Variants in ADGRL3 observed in about 807,000 individuals in gnomAD.
The protein encoded by ADGRL3 is adhesion G protein-coupled receptor L3.
A neutral mutation model predicts 153.5 loss-of-function variants in ADGRL3; 62 were observed. The observed-to-expected ratio is 0.40, with a 90% CI of 0.33 to 0.50. The LOEUF (loss-of-function observed/expected upper bound fraction) is 0.50. Among genes scored for constraint, ADGRL3 ranks in the 20% least tolerant of loss-of-function variants. The pLI, the probability that ADGRL3 is intolerant of heterozygous loss-of-function variation, is 0.47. For synonymous variants in ADGRL3, 710 were observed against 672.5 expected (o/e 1.06, Z -0.86); for missense variants, 1,641 against 1,859.4 (o/e 0.88, Z 2.16).
chr4:62,033,957 C>T (rs1395346261), intron 23 of ADGRL3, among the ~76,000 whole-genome samples: 2 of 151,456 alleles, frequency 1.3e-5, no homozygotes, highest in Non-Finnish European at 3.0e-5. Context: ...TTTCAGTTTT[C>T]CCAATATTAA....
At chr4:61,648,849 C>T (rs1431409248) in intron 5 of ADGRL3, among the ~76,000 whole-genome samples, 2 of 151,818 alleles carry the variant, frequency 1.3e-5, no homozygotes, top group African/African-American at 2.4e-5. Flanking sequence ...GAAATTGAGG[C>T]CTAATGGATG....
At chr4:61,294,154 T>C (rs1156287586) in intron 1 of ADGRL3, among the ~76,000 whole-genome samples, 2 of 152,044 alleles carry the variant, frequency 1.3e-5, no homozygotes, top group East Asian at 3.9e-4. Context: ...TAAGGCACTC[T>C]TGTTTTGTTG....
At chr4:62,059,295 C>G (rs563623719) in intron 25 of ADGRL3, among the ~76,000 whole-genome samples, 266 of 152,268 alleles carry the variant, frequency 1.7e-3, no homozygotes, top group African/African-American at 6.2e-3. Flanking sequence ...ACCCACAGAG[C>G]TGGTCTGTGT....
intron 5 of ADGRL3, among the ~76,000 whole-genome samples, chr4:61,668,852 T>C (rs2094895370): frequency 6.6e-6 from 1 of 152,214 alleles, no homozygotes; most frequent in East Asian, 1.9e-4. Flanking sequence ...ACCTCATCTC[T>C]ACAAAAAGTA....
chr4:61,510,044 TG>T (rs2098454994), intron 3 of ADGRL3, among the ~76,000 whole-genome samples: 3 of 152,248 alleles, frequency 2.0e-5, no homozygotes, highest in Admixed American at 2.0e-4. Context: ...TTTTTGTGTT[TG>T]TTGGCCGCTT....
At chr4:61,743,193 G>A (rs2096604670) in intron 8 of ADGRL3, among the ~76,000 whole-genome samples, 1 of 151,666 alleles carries the variant, frequency 6.6e-6, no homozygotes, top group Non-Finnish European at 1.5e-5. Context: ...GGTGGTGGGT[G>A]CCTGTAGTCC....
intron 11 of ADGRL3, among the ~76,000 whole-genome samples, chr4:61,906,910 C>G (rs576900137): frequency 6.6e-6 from 1 of 151,912 alleles, no homozygotes; most frequent in Non-Finnish European, 1.5e-5. Flanking sequence ...TTAGTTGTGC[C>G]CCTTTGAGCT....
chr4:61,482,245 G>T (rs1309711898), intron 2 of ADGRL3, among the ~76,000 whole-genome samples: 2 of 152,142 alleles, frequency 1.3e-5, no homozygotes, highest in East Asian at 3.9e-4. Flanking sequence ...ATCTCAAGTT[G>T]CTTCAACACT....
At chr4:61,332,384 C>A in intron 1 of ADGRL3, among the ~76,000 whole-genome samples, 1 of 152,122 alleles carries the variant, frequency 6.6e-6, no homozygotes, top group East Asian at 1.9e-4. Context: ...TTACTTCAAT[C>A]TTCAGTTCTA....
intron 8 of ADGRL3, among the ~76,000 whole-genome samples, chr4:61,739,744 C>T (rs1486347815): frequency 6.6e-6 from 1 of 152,136 alleles, no homozygotes; most frequent in East Asian, 1.9e-4. Context: ...ACCAGCTTCT[C>T]CCTTGCTTCA....
intron 1 of ADGRL3, among the ~76,000 whole-genome samples, chr4:61,228,841 G>A (rs973446287): frequency 3.9e-4 from 60 of 152,196 alleles, no homozygotes; most frequent in Admixed American, 2.0e-3. Context: ...ACAGGAACCT[G>A]CCACCATACC....
At chr4:61,921,476 T>C (rs761216064) in intron 13 of ADGRL3, among the ~76,000 whole-genome samples, 1 of 152,156 alleles carries the variant, frequency 6.6e-6, no homozygotes, top group Non-Finnish European at 1.5e-5. Context: ...TGGAGTACAG[T>C]GGCGTGATCT....
chr4:61,584,119 A>C (rs1177712856), intron 4 of ADGRL3, among the ~76,000 whole-genome samples: 1 of 152,024 alleles, frequency 6.6e-6, no homozygotes, highest in African/African-American at 2.4e-5. Context: ...CTATTAAAAC[A>C]GTTAGTAACA....
chr4:61,487,680 A>G (rs2098212081), intron 2 of ADGRL3, among the ~76,000 whole-genome samples: 1 of 152,038 alleles, frequency 6.6e-6, no homozygotes, highest in Non-Finnish European at 1.5e-5. Flanking sequence ...AATAATTGTT[A>G]ATTTTTAAAA....
chr4:61,484,099 T>C (rs1310332658), intron 2 of ADGRL3, among the ~76,000 whole-genome samples: 1 of 152,044 alleles, frequency 6.6e-6, no homozygotes, highest in Non-Finnish European at 1.5e-5. Context: ...CCCCGATTTT[T>C]TTTTTACTTA....
intron 8 of ADGRL3, among the ~76,000 whole-genome samples, chr4:61,734,171 T>G (rs1388287401): frequency 1.3e-5 from 2 of 152,348 alleles, no homozygotes; most frequent in East Asian, 3.9e-4. Context: ...TTGTAATTCT[T>G]TAAAAGTGCC....
intron 19 of ADGRL3, among the ~76,000 whole-genome samples, chr4:61,992,390 C>G (rs1216998714): frequency 6.6e-6 from 1 of 152,138 alleles, no homozygotes; most frequent in Non-Finnish European, 1.5e-5. Context: ...ACGTTCTTCT[C>G]CACCTTAAAG....
intron 8 of ADGRL3, among the ~76,000 whole-genome samples, chr4:61,754,247 A>G (rs2096792816): frequency 6.6e-6 from 1 of 152,180 alleles, no homozygotes. Context: ...TCTGTTATAA[A>G]AAGTACATAT....
chr4:61,520,851 C>A (rs955737198), intron 4 of ADGRL3, among the ~76,000 whole-genome samples: 1 of 151,832 alleles, frequency 6.6e-6, no homozygotes, highest in African/African-American at 2.4e-5. Context: ...TTCTGTTTTT[C>A]TCAATCTTTC....
Sources: gnomAD v4.1 joint callset for allele counts (sites outside exome capture counted in the v4.1 genomes callset) on GRCh38, gnomAD v4.1.1 for gene constraint, MANE v1.5 for transcripts, NCBI Gene and HGNC (gene_info 2026-07-23, HGNC 2026-07-21) for gene names.